The following NUP214 variants were observed in gnomAD, a reference collection of about 807,000 sequenced individuals.
NUP214 encodes the protein nuclear pore complex protein Nup214.
A neutral mutation model predicts 196.2 loss-of-function variants in NUP214; 79 were observed. The ratio of observed to expected loss-of-function variants is 0.40; its 90% CI spans 0.34 to 0.49. The LOEUF is 0.49. Ranked by LOEUF, NUP214 falls within the 20% of genes least tolerant of loss-of-function variation. The pLI, the probability that NUP214 is intolerant of heterozygous loss-of-function variation, is 0.58. For synonymous variants in NUP214, 1,020 were observed against 990.5 expected (o/e 1.03, Z -0.56); for missense variants, 2,468 against 2,539.0 (o/e 0.97, Z 0.60).
At chr9:131,212,654 G>T (rs891876219) in intron 30 of NUP214, among the ~76,000 whole-genome samples, 3 of 152,200 alleles carry the variant, frequency 2.0e-5, no homozygotes, top group Admixed American at 6.5e-5. Context: ...CTAGAGGCTT[G>T]AGGAGAGTCA....
chr9:131,206,284 T>G (rs1280573876), intron 30 of NUP214, among the ~76,000 whole-genome samples: 1 of 151,696 alleles, frequency 6.6e-6, no homozygotes, highest in Non-Finnish European at 1.5e-5. Flanking sequence ...TAGCTGAGAC[T>G]ACAGGTGCAC....
intron 21 of NUP214, among the ~76,000 whole-genome samples, chr9:131,169,516 A>T (rs1008004061): frequency 1.3e-5 from 2 of 152,216 alleles, no homozygotes; most frequent in African/African-American, 4.8e-5. Context: ...AAAAATAAGT[A>T]ACATTTAAAA....
chr9:131,192,225 A>G lies in NUP214; in HGVS notation c.3592A>G (p.Thr1198Ala). 3.8e-6 allele frequency: 6 copies of G among 1,570,238 alleles called. No homozygotes were observed. The highest frequency in any genetic ancestry group is 5.2e-6 in the Non-Finnish European group (6 of 1,157,922). Residue 1198 changes from threonine to alanine, a missense_variant, in exon 27 of 36, where the codon ACA (threonine) becomes GCA (alanine). Physicochemically the swap from Thr to Ala is moderately conservative, Grantham distance 58 (BLOSUM62 0). Transcript: ENST00000359428. ...AATTTCAGGGACAGCCAAGATAGAAACAGCTGTGACTTCAACCCCATCTGC... is the reference window on the plus strand; with the variant it reads ...AATTTCAGGGACAGCCAAGATAGAAGCAGCTGTGACTTCAACCCCATCTGC... ...DKASGTAKIE[T>A]AVTSTPSASG...
In NUP214 at chr9:131,147,704, A is replaced by G. The variant is rs139573972; in HGVS notation, c.2040+120A>G. 44 of 740,996 alleles carry G rather than the reference A, an allele frequency of 5.9e-5. 2 individuals are homozygous for G. The South Asian group carries it at 7.2e-4, about 12-fold the overall frequency. 45.9% of individuals were successfully genotyped at this position (740,996 alleles called of 1,614,324 possible). ...GACCTTGGACATAGTAATTGGGACT[A>G]TGTGATAGTAAATACCAAAGTGCGA... On this transcript the variant is annotated intron_variant, in intron 14 of 35. Transcript: ENST00000359428.
At chr9:131,163,205 GGT>G in intron 19 of NUP214, 32 bp downstream of exon 19, 1 of 1,575,000 alleles carries the variant, frequency 6.3e-7, no homozygotes, top group Non-Finnish European at 8.6e-7. Flanking sequence ...AATAAATATG[GGT>G]GAATGAATGC....
At position 131,163,850 on chromosome 9, in the gene NUP214, C is replaced by CT. The variant is rs1408491746; in HGVS notation, c.2724-19dup. On this transcript the variant is annotated intron_variant, in intron 19 of 35. Transcript: ENST00000359428. The stretch of plus-strand genomic sequence containing the variant: ...CTTTCAGCTCCTAGTTGGTCTGTAT[C>CT]TAACACTGTTCTGTTTCAGTTTTGA... 6.8e-6 allele frequency: 11 copies of CT among 1,606,174 alleles called. No homozygotes were observed. Among genetic ancestry groups the CT allele is most frequent in the Non-Finnish European group, 9.4e-6 (11 of 1,173,000 alleles).
At chr9:131,218,812 A>G (rs1264675310) in intron 31 of NUP214, among the ~76,000 whole-genome samples, 1 of 152,092 alleles carries the variant, frequency 6.6e-6, no homozygotes, top group Non-Finnish European at 1.5e-5. Context: ...GCCCTCCTTG[A>G]GCTGGCCCCA....
At chr9:131,132,742 G>T in intron 6 of NUP214, 83 bp downstream of exon 6, 3 of 1,141,446 alleles carry the variant, frequency 2.6e-6, no homozygotes, top group Non-Finnish European at 2.6e-6. Flanking sequence ...TAATGTACCT[G>T]CTCAGTGAGG....
chr9:131,143,429 A>G (rs12351864), intron 11 of NUP214, among the ~76,000 whole-genome samples: 42,778 of 151,878 alleles, frequency 0.28, 6,308 homozygotes, highest in East Asian at 0.42. Flanking sequence ...TGTTTTTTAC[A>G]GTTTTTTATA....
intron 11 of NUP214, among the ~76,000 whole-genome samples, chr9:131,140,940 T>C (rs1411971860): frequency 6.6e-6 from 1 of 152,166 alleles, no homozygotes; most frequent in Non-Finnish European, 1.5e-5. Flanking sequence ...TGAAGGAAGG[T>C]CAACCAGATG....
rs377386689 is a variant in NUP214 at position 131,191,430 on chromosome 9, T to G, written c.3575-778T>G. On this transcript the variant is annotated intron_variant, in intron 26 of 35. Transcript: ENST00000359428. The stretch of plus-strand genomic sequence containing the variant: ...TTGCAGTGAGTCAAGATTGCGCCAC[T>G]GCACTCCAGCCTGGGCGACAGAGCG... 1.6e-4 allele frequency: 25 copies of G among 152,342 alleles called. No homozygotes were observed. In the East Asian group the frequency reaches 3.1e-3, roughly 19 times the overall value. The allele number at this position is 152,342 out of a possible 1,614,324, so 9.4% of individuals were successfully genotyped here. A position where few individuals can be genotyped will look rare whatever the true frequency, so the allele number is the denominator to read the frequency against.
chr9:131,202,240 C>CCCCT (rs1833959544), intron 30 of NUP214, among the ~76,000 whole-genome samples: 1 of 152,120 alleles, frequency 6.6e-6, no homozygotes, highest in South Asian at 2.1e-4. Flanking sequence ...TTCTATCAGT[C>CCCCT]CCCTGCCTGT....
intron 11 of NUP214, among the ~76,000 whole-genome samples, chr9:131,141,124 G>T: frequency 6.8e-6 from 1 of 146,892 alleles, no homozygotes; most frequent in African/African-American, 2.6e-5. Context: ...GAAGGAGTGA[G>T]TGGAATACAT....
intron 9 of NUP214, among the ~76,000 whole-genome samples, chr9:131,136,989 C>T (rs533762230): frequency 6.6e-6 from 1 of 152,338 alleles, no homozygotes; most frequent in East Asian, 1.9e-4. Context: ...CAACCATTGG[C>T]ATTTATCTGT....
intron 31 of NUP214, among the ~76,000 whole-genome samples, chr9:131,215,768 A>C (rs942314652): frequency 2.6e-5 from 4 of 152,172 alleles, no homozygotes; most frequent in Non-Finnish European, 4.4e-5. Context: ...GTACTCTCCA[A>C]ATTTTCCTTA....
intron 8 of NUP214, 95 bp downstream of exon 8, chr9:131,135,099 A>G: frequency 1.2e-6 from 1 of 868,386 alleles, no homozygotes; most frequent in Non-Finnish European, 1.9e-6. Context: ...TGATTGATTG[A>G]TTGATGGATT....
At chr9:131,208,677 A>G (rs1196294705) in intron 30 of NUP214, among the ~76,000 whole-genome samples, 2 of 151,336 alleles carry the variant, frequency 1.3e-5, no homozygotes, top group Non-Finnish European at 2.9e-5. Flanking sequence ...AGCCTGGGCG[A>G]CAGAGCGAGA....
chr9:131,230,766 G>A lies in NUP214; in HGVS notation c.6211G>A (p.Gly2071Arg). The A allele has an allele frequency of 6.2e-7, 1 of 1,612,840 alleles. No individual in the cohort carries two copies. Among genetic ancestry groups the A allele is most frequent in the Non-Finnish European group, 8.5e-7 (1 of 1,179,716 alleles). Residue 2071 changes from glycine to arginine, a missense_variant, in exon 34 of 36, where the codon GGA becomes AGA. Coordinates refer to ENST00000359428, the MANE Select transcript of NUP214 (RefSeq NM_005085.4). The stretch of plus-strand genomic sequence containing the variant: ...ATTCTCTGGTTTTGGATCAGGCACA[G>A]GAGGTAAGCTGCCACAAGTTCTCCC... ...SGFSGFGSGT[G>R]GFSFGSNNSS...
rs149009764 is a variant in NUP214 at position 131,163,081 on chromosome 9, C to T, written c.2631C>T (p.His877=). The T allele has an allele frequency of 6.2e-7, 1 of 1,614,146 alleles. No homozygotes were observed. The highest frequency in any genetic ancestry group is 8.5e-7 in the Non-Finnish European group (1 of 1,180,006). ...ACCAACAGAGGAAGAGGCTGAATCA[C>T]CTGGTGGATAGTCTTCAGCAGCTCC... The part of the protein sequence containing the change: ...IINQQRKRLN[H]LVDSLQQLRL... Residue 877 remains histidine, a synonymous_variant, in exon 19 of 36, where the codon CAC becomes CAT. Coordinates refer to ENST00000359428, the MANE Select transcript of NUP214 (RefSeq NM_005085.4).
Sources: allele counts gnomAD v4.1 joint callset (sites outside exome capture counted in the v4.1 genomes callset), GRCh38; gene constraint gnomAD v4.1.1; transcripts MANE v1.5; gene names NCBI Gene and HGNC (gene_info 2026-07-23, HGNC 2026-07-21).